The following NOC3L variants were observed in gnomAD, a reference collection of about 807,000 sequenced individuals.
NOC3L encodes the protein nucleolar complex protein 3 homolog.
Under a neutral mutation model 102.5 loss-of-function variants are expected in NOC3L, and 85 were observed. That is an observed-to-expected ratio of 0.83 (90% CI 0.70 to 0.99). The LOEUF (loss-of-function observed/expected upper bound fraction) is 0.99. Ranked by LOEUF, NOC3L falls within the 50% of genes least tolerant of loss-of-function variation. The pLI is 0.00. For missense variants in NOC3L, 878 were observed against 914.9 expected, an observed-to-expected ratio of 0.96 and a Z score of 0.52; for synonymous variants, 303 against 309.4, an observed-to-expected ratio of 0.98 and a Z score of 0.22.
intron 8 of NOC3L, among the ~76,000 whole-genome samples, chr10:94,351,085 A>T (rs1255191254): frequency 6.6e-6 from 1 of 152,094 alleles, no homozygotes; most frequent in South Asian, 2.1e-4. Context: ...TATCAGACAG[A>T]GATGGTTGCA....
At chr10:94,354,104 A>G (rs1015024528) in intron 6 of NOC3L, among the ~76,000 whole-genome samples, 35 of 152,312 alleles carry the variant, frequency 2.3e-4, no homozygotes, top group African/African-American at 8.2e-4. Context: ...CATAAGAAAT[A>G]TTCCAAATCT....
intron 16 of NOC3L, 95 bp from the exon 17 acceptor site, chr10:94,340,015 A>C: frequency 9.1e-7 from 1 of 1,098,580 alleles, no homozygotes; most frequent in South Asian, 1.6e-5. Flanking sequence ...AAACTTTTGT[A>C]CCTGTCCCAA....
intron 9 of NOC3L, 46 bp downstream of exon 9, chr10:94,350,067 T>C (rs1280433390): frequency 1.9e-6 from 3 of 1,592,096 alleles, no homozygotes; most frequent in African/African-American, 1.3e-5. Flanking sequence ...CCACATGGTG[T>C]ATAATTTTCT....
the NOC3L span, among the ~76,000 whole-genome samples, chr10:94,323,007 C>T: frequency 5.3e-3 from 810 of 152,224 alleles, 3 homozygotes; most frequent in African/African-American, 0.018. Flanking sequence ...TTAATTCATT[C>T]CTTCAACAGA....
At chr10:94,358,697 T>A (rs1030935514) in intron 2 of NOC3L, among the ~76,000 whole-genome samples, 3 of 152,120 alleles carry the variant, frequency 2.0e-5, no homozygotes, top group African/African-American at 7.2e-5. Flanking sequence ...CTCACCCCTC[T>A]CTCTGACCAC....
At chr10:94,320,991 C>T in the NOC3L span, among the ~76,000 whole-genome samples, 3 of 152,114 alleles carry the variant, frequency 2.0e-5, no homozygotes, top group Admixed American at 1.3e-4. Flanking sequence ...CGCTTCTGTA[C>T]TGTTTGAAAA....
chr10:94,346,369 T>C, intron 11 of NOC3L, 56 bp downstream of exon 11: 1 of 1,332,686 alleles, frequency 7.5e-7, no homozygotes, highest in Non-Finnish European at 1.0e-6. Context: ...ATAAGTTTAA[T>C]CTAAGATCAA....
At position 94,361,804 on chromosome 10, in the gene NOC3L, G is replaced by A; in HGVS notation, c.78C>T (p.Asn26=). The change falls in exon 2 of 21, where the codon AAC becomes AAT. Residue 26 remains asparagine (N), a synonymous_variant. Coordinates refer to ENST00000371361, the MANE Select transcript of NOC3L (RefSeq NM_022451.11). ...LIKTSKVKLE[N]KLKNKQFKQQ... Reference sequence around the variant, plus strand: ...GTTTAAACTGCTTATTTTTTAGCTTGTTTTCAAGTTTGACTTTACTAGTTT... The same window carrying A: ...GTTTAAACTGCTTATTTTTTAGCTTATTTTCAAGTTTGACTTTACTAGTTT... The A allele has an allele frequency of 1.2e-6, 2 of 1,613,812 alleles. No individual in the cohort carries two copies. The highest frequency in any genetic ancestry group is 2.2e-5 in the South Asian group (2 of 91,050).
At chr10:94,349,990 C>T (rs2054395498) in intron 9 of NOC3L, 123 bp downstream of exon 9, 1 of 805,438 alleles carries the variant, frequency 1.2e-6, no homozygotes, top group African/African-American at 1.7e-5. Context: ...GATCTCCTGA[C>T]CTCGTGATCT....
At chr10:94,349,141 T>G (rs1345092809) in intron 10 of NOC3L, 109 bp downstream of exon 10, 1 of 1,216,114 alleles carries the variant, frequency 8.2e-7, no homozygotes, top group African/African-American at 1.6e-5. Context: ...CTTAAGGAGC[T>G]TGAATACTTT....
the NOC3L span, chr10:94,325,281 G>T: frequency 1.7e-6 from 1 of 588,868 alleles, no homozygotes. Flanking sequence ...AACATGATAT[G>T]CTATTGAACA....
At chr10:94,316,685 A>G in the NOC3L span, 26 of 1,613,928 alleles carry the variant, frequency 1.6e-5, no homozygotes, top group Non-Finnish European at 1.9e-5. Flanking sequence ...AGAGGAGATC[A>G]TGCAAATTTT....
chr10:94,340,027 C>A (rs2054264200), intron 16 of NOC3L, 107 bp from the exon 17 acceptor site: 3 of 980,510 alleles, frequency 3.1e-6, no homozygotes, highest in South Asian at 3.3e-5. Context: ...CTGTCCCAAA[C>A]CATTTCTCTA....
intron 19 of NOC3L, among the ~76,000 whole-genome samples, chr10:94,335,444 T>A (rs535701864): frequency 2.0e-5 from 3 of 151,182 alleles, no homozygotes; most frequent in Admixed American, 6.6e-5. Flanking sequence ...TTTTTCCTTT[T>A]AAAAAAAAAG....
At chr10:94,356,373 C>T (rs2054484339) in intron 5 of NOC3L, among the ~76,000 whole-genome samples, 162 bp downstream of exon 5, 2 of 152,100 alleles carry the variant, frequency 1.3e-5, no homozygotes, top group Non-Finnish European at 2.9e-5. Flanking sequence ...ATTAATAATT[C>T]CACAAGATGA....
chr10:94,315,066 G>T, the NOC3L span: 1 of 219,342 alleles, frequency 4.6e-6, no homozygotes, highest in Non-Finnish European at 9.2e-6. Context: ...ATATAAAGCA[G>T]GACTGAGCAG....
rs369586078 is a variant in NOC3L at position 94,357,203 on chromosome 10, C to T, written c.479G>A (p.Gly160Asp). The T allele has an allele frequency of 1.2e-5, 19 of 1,596,522 alleles. No homozygotes were observed. Among genetic ancestry groups the T allele is most frequent in the Non-Finnish European group, 1.6e-5 (19 of 1,171,414 alleles). ...IHLLPIKDKS[G>D]IIPQTREKPV... The stretch of plus-strand genomic sequence containing the variant: ...CTTCTCCCTAGTCTGTGGGATTATA[C>T]CACTTTTATCTTTGATAGGAAGTAA... Residue 160 changes from glycine to aspartate, a missense_variant, in exon 4 of 21, where the codon GGT becomes GAT. Coordinates refer to ENST00000371361, the MANE Select transcript of NOC3L (RefSeq NM_022451.11).
the NOC3L span, among the ~76,000 whole-genome samples, chr10:94,320,833 T>C: frequency 1.3e-5 from 2 of 152,174 alleles, no homozygotes; most frequent in Non-Finnish European, 2.9e-5. Flanking sequence ...TTGCTTTACA[T>C]AGTCACATAC....
At chr10:94,328,564 G>C (rs2054113966), downstream of NOC3L, 1 of 152,080 alleles carries the variant, frequency 6.6e-6, no homozygotes, top group African/African-American at 2.4e-5. Flanking sequence ...AAGAGAACTG[G>C]GAACAAGGAG....
Sources: allele counts gnomAD v4.1 joint callset (sites outside exome capture counted in the v4.1 genomes callset), GRCh38; gene constraint gnomAD v4.1.1; transcripts MANE v1.5; gene names NCBI Gene and HGNC (gene_info 2026-07-23, HGNC 2026-07-21).